Variants in ARFGEF3 observed in about 807,000 individuals in gnomAD.
ARFGEF3 encodes the protein brefeldin A-inhibited guanine nucleotide-exchange protein 3.
ARFGEF3 carries 96 observed loss-of-function variants against 221.7 expected under a neutral mutation model. The observed-to-expected ratio is 0.43, with a 90% CI of 0.37 to 0.51. The LOEUF (loss-of-function observed/expected upper bound fraction) is 0.51, where lower values mean the gene tolerates loss of function less well. Among genes scored for constraint, ARFGEF3 ranks in the 20% least tolerant of loss-of-function variants. The pLI is 0.00. For missense variants in ARFGEF3, 2,410 were observed against 2,789.9 expected (o/e 0.86, Z 3.07); for synonymous variants, 1,145 against 1,126.8 (o/e 1.02, Z -0.32).
At chr6:138,323,397 A>AGGTTG (rs1324780414) in intron 29 of ARFGEF3, among the ~76,000 whole-genome samples, 1 of 152,134 alleles carries the variant, frequency 6.6e-6, no homozygotes, top group Admixed American at 6.5e-5. Flanking sequence ...AGATCACCTG[A>AGGTTG]GGATGGGAGT....
In ARFGEF3 at chr6:138,286,685, C is replaced by G. The variant is rs762078646; in HGVS notation, c.2570-16C>G. ...TTTTGTCTCTAGAAAATGACACACA[C>G]CCCTCCATGTTCCAGGCGTGGCATT... On this transcript the variant is annotated splice_polypyrimidine_tract_variant and intron_variant, in intron 15 of 33. Transcript: ENST00000251691. The G allele has an allele frequency of 5.0e-6, 8 of 1,611,358 alleles. No individual in the cohort carries two copies. The highest frequency in any genetic ancestry group is 6.8e-6 in the Non-Finnish European group (8 of 1,177,592).
intron 21 of ARFGEF3, among the ~76,000 whole-genome samples, chr6:138,298,269 CTG>C (rs1779558128): frequency 6.6e-6 from 1 of 152,286 alleles, no homozygotes; most frequent in African/African-American, 2.4e-5. Context: ...TCAGATGAAA[CTG>C]TGAGCCATTC....
rs539824883 is a variant in ARFGEF3 at position 138,321,894 on chromosome 6, C to CT, written c.4766+671dup. 3.6e-3 allele frequency among the ~76,000 whole-genome samples: 547 copies of CT among 150,738 alleles called. 6 individuals carry two copies. The highest frequency in any genetic ancestry group is 0.013 in the African/African-American group (531 of 40,330). On this transcript the variant is annotated intron_variant, in intron 29 of 33. Transcript: ENST00000251691. The stretch of plus-strand genomic sequence containing the variant: ...TGGGAAGAAAAAGAGCTTTAATGGA[C>CT]TTACAGTTCCACGTGGCTGGGGAGG...
chr6:138,275,446 TA>T, intron 12 of ARFGEF3, among the ~76,000 whole-genome samples: 1 of 152,116 alleles, frequency 6.6e-6, no homozygotes, highest in East Asian at 1.9e-4. Context: ...CTTACTTACC[TA>T]TTTATTAAAA....
rs528003909 is a variant in ARFGEF3, at chr6:138,250,239, C to T, written c.666-3641C>T. ...AGGATTCAGAAAATGTATTCAGGTACGCAGAACACTCCCTCGCATGCCTTG... is the reference window on the plus strand; with the variant it reads ...AGGATTCAGAAAATGTATTCAGGTATGCAGAACACTCCCTCGCATGCCTTG... On this transcript the variant is annotated intron_variant, in intron 8 of 33. Coordinates refer to ENST00000251691, the MANE Select transcript of ARFGEF3 (RefSeq NM_020340.5). Among the ~76,000 whole-genome samples the T allele has an allele frequency of 9.2e-5, 14 of 152,220 alleles. No homozygotes were observed. In the South Asian group the frequency reaches 1.0e-3, roughly 11 times the overall value.
intron 2 of ARFGEF3, among the ~76,000 whole-genome samples, chr6:138,173,940 A>C (rs559140797): frequency 6.6e-6 from 1 of 152,334 alleles, no homozygotes; most frequent in East Asian, 1.9e-4. Context: ...TCATCTTACT[A>C]TTCAAAAGAA....
intron 23 of ARFGEF3, among the ~76,000 whole-genome samples, chr6:138,307,653 T>C (rs1779750116): frequency 1.3e-5 from 2 of 152,238 alleles, no homozygotes; most frequent in South Asian, 4.1e-4. Flanking sequence ...CACTTACACA[T>C]TGCTGTGTTG....
At chr6:138,293,910 C>A (rs985384080) in intron 19 of ARFGEF3, 83 bp from the exon 20 acceptor site, 105 of 1,391,784 alleles carry the variant, frequency 7.5e-5, no homozygotes, top group Non-Finnish European at 9.8e-5. Flanking sequence ...TTAATCACAT[C>A]AACAAAATTA....
Position 138,289,829 on chromosome 6 carries a change from G to A in ARFGEF3, c.2908G>A (p.Val970Met). 1 of 1,613,718 alleles carries A rather than the reference G, an allele frequency of 6.2e-7. No homozygotes were observed. The change falls in exon 18 of 34, where the codon GTG becomes ATG. Residue 970 changes from valine (V) to methionine (M), a missense_variant. By Grantham distance (21) the Val-to-Met change is conservative. Coordinates refer to ENST00000251691, the MANE Select transcript of ARFGEF3 (RefSeq NM_020340.5). The stretch of plus-strand genomic sequence containing the variant: ...TCTTTCTGGCACAGTGAAACTAAAA[G>A]TGGAGCAGAAACTGGAGCAGATTGG... Reference protein sequence around the residue: ...SDAITQVKLKVEQKLEQIGKV... With the variant: ...SDAITQVKLKMEQKLEQIGKV...
chr6:138,280,909 C>T (rs541103268), intron 14 of ARFGEF3, among the ~76,000 whole-genome samples: 1 of 150,162 alleles, frequency 6.7e-6, no homozygotes, highest in Non-Finnish European at 1.5e-5. Flanking sequence ...CCTTCCCTTC[C>T]CAGCTGTACC....
chr6:138,175,879 C>T (rs1361970818), intron 2 of ARFGEF3, among the ~76,000 whole-genome samples: 1 of 152,128 alleles, frequency 6.6e-6, no homozygotes, highest in Non-Finnish European at 1.5e-5. Flanking sequence ...TGGTGTCTAT[C>T]TCTTTCTTTA....
chr6:138,290,808 A>C (rs1779389563), intron 18 of ARFGEF3, among the ~76,000 whole-genome samples: 1 of 152,254 alleles, frequency 6.6e-6, no homozygotes, highest in South Asian at 2.1e-4. Flanking sequence ...GGCCCAGGGC[A>C]CCAGCCAGAG....
intron 2 of ARFGEF3, among the ~76,000 whole-genome samples, chr6:138,206,008 A>G (rs1170163229): frequency 3.3e-5 from 5 of 152,260 alleles, no homozygotes; most frequent in East Asian, 1.9e-4. Flanking sequence ...TATTTCTCCA[A>G]TGATGAAATC....
At chr6:138,286,311 G>A (rs1779291038) in intron 15 of ARFGEF3, among the ~76,000 whole-genome samples, 1 of 152,108 alleles carries the variant, frequency 6.6e-6, no homozygotes, top group Admixed American at 6.5e-5. Flanking sequence ...TTAGCCGGGT[G>A]TGGTGGTGGG....
intron 22 of ARFGEF3, 85 bp from the exon 23 acceptor site, chr6:138,307,168 G>A (rs1234538885): frequency 1.4e-6 from 2 of 1,389,530 alleles, no homozygotes; most frequent in Non-Finnish European, 2.0e-6. Context: ...CCAAAATAGG[G>A]GACAGAGAAA....
chr6:138,323,232 G>C (rs1780065817), intron 29 of ARFGEF3, among the ~76,000 whole-genome samples: 1 of 152,202 alleles, frequency 6.6e-6, no homozygotes. Flanking sequence ...ATGGTTGAGA[G>C]ACAAGGAGAC....
At chr6:138,324,274 G>A in intron 31 of ARFGEF3, 120 bp downstream of exon 31, 1 of 1,182,534 alleles carries the variant, frequency 8.5e-7, no homozygotes, top group South Asian at 1.6e-5. Flanking sequence ...CATACACCTT[G>A]TAGCTCCCAA....
At chr6:138,219,592 G>A (rs1777940396) in intron 4 of ARFGEF3, among the ~76,000 whole-genome samples, 1 of 152,182 alleles carries the variant, frequency 6.6e-6, no homozygotes, top group Non-Finnish European at 1.5e-5. Context: ...CACTGACCTG[G>A]TTTGCAGAAT....
chr6:138,327,106 C>A (rs7743631), intron 31 of ARFGEF3, among the ~76,000 whole-genome samples: 1 of 151,874 alleles, frequency 6.6e-6, no homozygotes, highest in East Asian at 1.9e-4. Context: ...CTGTGGGGAA[C>A]GGGGGAGGGA....
Sources: allele counts gnomAD v4.1 joint callset (sites outside exome capture counted in the v4.1 genomes callset), GRCh38; gene constraint gnomAD v4.1.1; transcripts MANE v1.5; gene names NCBI Gene and HGNC (gene_info 2026-07-23, HGNC 2026-07-21).